Variants in FLNB observed in about 807,000 individuals in gnomAD.
FLNB encodes filamin B.
In FLNB, 111 loss-of-function variants were observed where a neutral mutation model predicts 250.6. The observed-to-expected ratio is 0.44, with a 90% CI of 0.38 to 0.52. FLNB has a LOEUF of 0.52. Ranked by LOEUF, FLNB falls within the 20% of genes least tolerant of loss-of-function variation. FLNB has a pLI of 0.00. For synonymous variants in FLNB, 1,302 were observed against 1,372.1 expected, an observed-to-expected ratio of 0.95 and a Z score of 1.13; for missense variants, 2,869 against 3,447.8, an observed-to-expected ratio of 0.83 and a Z score of 4.20.
At chr3:58,107,121 C>G (rs1004949912) in intron 12 of FLNB, among the ~76,000 whole-genome samples, 1 of 152,158 alleles carries the variant, frequency 6.6e-6, no homozygotes, top group Non-Finnish European at 1.5e-5. Context: ...CCTCTGCCTC[C>G]TGGGTTCAAG....
chr3:58,065,785 T>C (rs964448701), intron 1 of FLNB, among the ~76,000 whole-genome samples: 7 of 152,204 alleles, frequency 4.6e-5, no homozygotes, highest in Non-Finnish European at 2.9e-5. Flanking sequence ...CACAGGAGCA[T>C]GGGCTGTGTT....
At chr3:58,083,862 C>T (rs2097212951) in intron 4 of FLNB, among the ~76,000 whole-genome samples, 1 of 152,170 alleles carries the variant, frequency 6.6e-6, no homozygotes, top group African/African-American at 2.4e-5. Context: ...CTCCCATTCA[C>T]AGTCACTTGA....
intron 28 of FLNB, among the ~76,000 whole-genome samples, chr3:58,137,283 T>A (rs2097317759): frequency 6.6e-6 from 1 of 151,998 alleles, no homozygotes; most frequent in South Asian, 2.1e-4. Flanking sequence ...AATGGAAAAA[T>A]TTTGGAATGC....
In FLNB at chr3:58,077,029, T is replaced by G. The variant is rs199821588; in HGVS notation, c.293-17T>G. 1.5e-4 allele frequency: 249 copies of G among 1,614,060 alleles called. No individual in the cohort carries two copies. In the African/African-American group the frequency reaches 2.7e-3, roughly 18 times the overall value. On this transcript the variant is annotated splice_polypyrimidine_tract_variant and intron_variant, in intron 1 of 45. Coordinates refer to ENST00000295956, the MANE Select transcript of FLNB (RefSeq NM_001457.4). ...TGTAACCCAAAGGAATGACCAAGCC[T>G]GTGCTTCTCTCCCCAGATAGCAAAG... is the stretch of plus-strand genomic sequence containing the variant.
chr3:58,149,322 C>T (rs2097341058), intron 36 of FLNB: 1 of 256,878 alleles, frequency 3.9e-6, no homozygotes, highest in Non-Finnish European at 7.5e-6. Context: ...CCAGTGCCTC[C>T]AGTCATCTGC....
intron 1 of FLNB, among the ~76,000 whole-genome samples, chr3:58,071,470 G>A (rs986099212): frequency 1.3e-5 from 2 of 151,622 alleles, no homozygotes; most frequent in African/African-American, 4.9e-5. Context: ...GTAGAGACAG[G>A]GTTTCACCGT....
intron 1 of FLNB, among the ~76,000 whole-genome samples, chr3:58,076,699 A>G (rs1375000688): frequency 1.3e-5 from 2 of 151,778 alleles, no homozygotes; most frequent in Non-Finnish European, 2.9e-5. Context: ...GCTCAAAGCA[A>G]TCCTCCTGCC....
intron 4 of FLNB, among the ~76,000 whole-genome samples, chr3:58,083,702 A>G (rs2049239): frequency 0.74 from 112,224 of 151,952 alleles, 42,549 homozygotes; most frequent in East Asian, 1. Context: ...TCAGTGGTCG[A>G]GTCTTCTCAT....
At chr3:58,135,477 A>G (rs527239202) in intron 27 of FLNB, among the ~76,000 whole-genome samples, 1 of 152,362 alleles carries the variant, frequency 6.6e-6, no homozygotes, top group African/African-American at 2.4e-5. Flanking sequence ...GGGTCCTCCC[A>G]GCTCAGTGGG....
chr3:58,104,430 G>A (rs1163031691), intron 10 of FLNB, among the ~76,000 whole-genome samples: 2 of 152,190 alleles, frequency 1.3e-5, no homozygotes, highest in Admixed American at 6.5e-5. Context: ...TGAATGCCAC[G>A]GGGCAGAATC....
chr3:58,059,071 G>C (rs776725620), intron 1 of FLNB, among the ~76,000 whole-genome samples: 1 of 152,162 alleles, frequency 6.6e-6, no homozygotes, highest in African/African-American at 2.4e-5. Flanking sequence ...CATGTTAAAG[G>C]CTCTGAGAAG....
At chr3:58,072,244 A>G (rs1292545064) in intron 1 of FLNB, among the ~76,000 whole-genome samples, 1 of 152,070 alleles carries the variant, frequency 6.6e-6, no homozygotes, top group African/African-American at 2.4e-5. Context: ...TATTGGCTGG[A>G]TTTGGGGAGG....
intron 1 of FLNB, among the ~76,000 whole-genome samples, chr3:58,024,728 T>TA (rs576362003): frequency 5.2e-5 from 5 of 96,064 alleles, no homozygotes; most frequent in Non-Finnish European, 8.5e-5. Flanking sequence ...TTTTTTTTTT[T>TA]AACCTTGAGA....
intron 1 of FLNB, among the ~76,000 whole-genome samples, chr3:58,030,584 C>T (rs538025907): frequency 6.6e-6 from 1 of 151,346 alleles, no homozygotes; most frequent in African/African-American, 2.4e-5. Flanking sequence ...TATCAGGAAT[C>T]TAGGAGGGGC....
In FLNB at chr3:58,106,878, A is replaced by G. The variant is rs2097260587; in HGVS notation, c.1941+5A>G. ...GGAGGCTACAACCCTGATCTGGTGAATCAGCTGCTGTGCTTCTGTCTTCTT... is the reference window on the plus strand; with the variant it reads ...GGAGGCTACAACCCTGATCTGGTGAGTCAGCTGCTGTGCTTCTGTCTTCTT... On this transcript the variant is annotated splice_donor_5th_base_variant and intron_variant, in intron 12 of 45. Coordinates refer to ENST00000295956, the MANE Select transcript of FLNB (RefSeq NM_001457.4). The G allele has an allele frequency of 1.2e-6, 2 of 1,612,462 alleles. No homozygotes were observed. The highest frequency in any genetic ancestry group is 1.7e-6 in the Non-Finnish European group (2 of 1,179,326).
chr3:58,137,160 A>G (rs1244786786), intron 28 of FLNB, among the ~76,000 whole-genome samples: 1 of 152,162 alleles, frequency 6.6e-6, no homozygotes, highest in Non-Finnish European at 1.5e-5. Flanking sequence ...ACCACCCTTG[A>G]TGTGTTCTGT....
At chr3:58,065,883 C>T (rs2097184826) in intron 1 of FLNB, among the ~76,000 whole-genome samples, 1 of 152,204 alleles carries the variant, frequency 6.6e-6, no homozygotes, top group Admixed American at 6.5e-5. Flanking sequence ...TTTATTATTT[C>T]AGCTGGAAAT....
intron 4 of FLNB, among the ~76,000 whole-genome samples, chr3:58,090,314 TAGAATATTTCC>T (rs2107016553): frequency 6.6e-6 from 1 of 152,324 alleles, no homozygotes; most frequent in African/African-American, 2.4e-5. Context: ...TGCCTTCTTC[TAGAATATTTCC>T]TGAAGGACTT....
In FLNB at chr3:58,169,505, G is replaced by A. The variant is rs910596182; in HGVS notation, c.7418-85G>A. On this transcript the variant is annotated intron_variant, in intron 44 of 45. Coordinates refer to ENST00000295956, the MANE Select transcript of FLNB (RefSeq NM_001457.4). The surrounding 1 kb of genome is among the most constrained non-coding windows in gnomAD (Gnocchi z 4.8). ...GTGCGCGGGCTCTCCTGGGGTTACT[G>A]TGTAGGGTACTCGCCTGTCCTCTGG... 1.6e-5 allele frequency: 17 copies of A among 1,089,336 alleles called. No homozygotes were observed. In the African/African-American group the frequency reaches 2.6e-4, roughly 17 times the overall value. The allele number at this position is 1,089,336 out of a possible 1,614,324, so 67.5% of individuals were successfully genotyped here.
Sources: gnomAD v4.1 joint callset for allele counts (sites outside exome capture counted in the v4.1 genomes callset) on GRCh38, gnomAD v4.1.1 for gene constraint, Gnocchi (gnomAD v3.1) non-coding constraint, MANE v1.5 for transcripts, NCBI Gene and HGNC (gene_info 2026-07-23, HGNC 2026-07-21) for gene names.